ASTN1: variants seen among roughly 807,000 people sequenced by gnomAD.
ASTN1 encodes astrotactin-1.
Under a neutral mutation model 140.7 loss-of-function variants are expected in ASTN1, and 41 were observed. The ratio of observed to expected loss-of-function variants is 0.29; its 90% CI spans 0.23 to 0.38. The LOEUF (loss-of-function observed/expected upper bound fraction) is 0.38, where lower values mean the gene tolerates loss of function less well. Ranked by LOEUF, ASTN1 falls within the 10% of genes least tolerant of loss-of-function variation. The pLI, the probability that ASTN1 is intolerant of heterozygous loss-of-function variation, is 1.00. For missense variants in ASTN1, 1,479 were observed against 1,678.8 expected (o/e 0.88, Z 2.08); for synonymous variants, 640 against 652.2 (o/e 0.98, Z 0.29).
intron 3 of ASTN1, among the ~76,000 whole-genome samples, 171 bp from the exon 4 acceptor site, chr1:177,031,123 G>T (rs962430461): frequency 6.6e-6 from 1 of 152,148 alleles, no homozygotes; most frequent in African/African-American, 2.4e-5. Context: ...TTATTTCTGA[G>T]GGACTGCAAA....
At chr1:177,155,478 T>G (rs1347970559) in intron 1 of ASTN1, among the ~76,000 whole-genome samples, 2 of 152,182 alleles carry the variant, frequency 1.3e-5, no homozygotes, top group African/African-American at 4.8e-5. Context: ...GGGGAAAGTG[T>G]TGGCCTAAGC....
At chr1:176,878,527 C>A (rs1668658181) in intron 20 of ASTN1, among the ~76,000 whole-genome samples, 1 of 151,966 alleles carries the variant, frequency 6.6e-6, no homozygotes, top group African/African-American at 2.4e-5. Flanking sequence ...CATTTGGCCC[C>A]ACATGCCATA....
intron 8 of ASTN1, among the ~76,000 whole-genome samples, chr1:177,003,247 T>A: frequency 6.7e-6 from 1 of 148,260 alleles, no homozygotes; most frequent in African/African-American, 2.5e-5. Context: ...TCCAACAAAA[T>A]ACTAGCAAAC....
At chr1:177,084,721 G>A (rs964084799) in intron 1 of ASTN1, among the ~76,000 whole-genome samples, 8 of 151,678 alleles carry the variant, frequency 5.3e-5, no homozygotes, top group African/African-American at 1.7e-4. Context: ...TCTTTCTCAC[G>A]GCTTGGTCTA....
rs75150280 is a variant in ASTN1 at position 176,947,037 on chromosome 1, C to T, written c.2055-917G>A. 4.2e-3 allele frequency among the ~76,000 whole-genome samples: 640 copies of T among 152,306 alleles called. 3 individuals are homozygous for T. Among genetic ancestry groups the T allele is most frequent in the African/African-American group, 0.014 (593 of 41,572 alleles). ...AAAGCACATCATTTATTCCTATCCA[C>T]AGTCACTGTTATAATAAGATAAAGA... On this transcript the variant is annotated intron_variant, in intron 12 of 22. Transcript: ENST00000361833.
intron 1 of ASTN1, among the ~76,000 whole-genome samples, chr1:177,133,222 A>G (rs1322362834): frequency 1.3e-5 from 2 of 152,218 alleles, no homozygotes; most frequent in Non-Finnish European, 2.9e-5. Flanking sequence ...TGTGCAAGGC[A>G]CTTTGCCATT....
chr1:177,023,288 A>C, intron 7 of ASTN1, 116 bp downstream of exon 7: 1 of 1,335,372 alleles, frequency 7.5e-7, no homozygotes, highest in Non-Finnish European at 1.0e-6. Flanking sequence ...CGCATGGTCT[A>C]GGCTCGAGAT....
chr1:176,926,177 C>T (rs1431648855), intron 16 of ASTN1, among the ~76,000 whole-genome samples: 1 of 151,020 alleles, frequency 6.6e-6, no homozygotes, highest in Non-Finnish European at 1.5e-5. Context: ...TTTAAGCTCT[C>T]ATTATTATTA....
At chr1:177,113,123 C>T (rs560586039) in intron 1 of ASTN1, among the ~76,000 whole-genome samples, 65 of 152,322 alleles carry the variant, frequency 4.3e-4, no homozygotes, top group African/African-American at 1.5e-3. Context: ...CAGCAATCCC[C>T]TGAAAACTGC....
chr1:177,162,950 G>A (rs1242029949), intron 1 of ASTN1, among the ~76,000 whole-genome samples: 1 of 152,166 alleles, frequency 6.6e-6, no homozygotes, highest in Non-Finnish European at 1.5e-5. Flanking sequence ...GGTTTAATGG[G>A]TTCAACTGAG....
At chr1:177,116,079 C>T (rs1681075776) in intron 1 of ASTN1, among the ~76,000 whole-genome samples, 1 of 152,114 alleles carries the variant, frequency 6.6e-6, no homozygotes, top group Admixed American at 6.5e-5. Context: ...TGTCATGAAA[C>T]CCAAATTCTA....
chr1:177,129,007 G>A (rs550031963), intron 1 of ASTN1, among the ~76,000 whole-genome samples: 2 of 152,334 alleles, frequency 1.3e-5, no homozygotes, highest in South Asian at 2.1e-4. Context: ...AGAAAGGATG[G>A]TGTTACCATC....
At chr1:176,967,853 CGT>C (rs1672948468) in intron 8 of ASTN1, among the ~76,000 whole-genome samples, 2 of 151,542 alleles carry the variant, frequency 1.3e-5, no homozygotes, top group African/African-American at 4.8e-5. Context: ...AGGAGTGCAG[CGT>C]AGACCCCACC....
chr1:176,986,535 A>T (rs1673914797), intron 8 of ASTN1, among the ~76,000 whole-genome samples: 1 of 152,124 alleles, frequency 6.6e-6, no homozygotes, highest in Non-Finnish European at 1.5e-5. Context: ...GAAGGAGATA[A>T]CTCAAAATGT....
At chr1:176,898,857 G>C (rs952564033) in intron 16 of ASTN1, among the ~76,000 whole-genome samples, 2 of 152,296 alleles carry the variant, frequency 1.3e-5, no homozygotes, top group African/African-American at 4.8e-5. Flanking sequence ...ACACTATGCT[G>C]TCTTTTAGCA....
intron 2 of ASTN1, 84 bp downstream of exon 2, chr1:177,060,994 A>G (rs1678054988): frequency 1.6e-6 from 2 of 1,280,364 alleles, no homozygotes; most frequent in South Asian, 2.3e-5. Context: ...TAGGTCTGAT[A>G]GAGTGATATC....
At chr1:177,087,528 T>C (rs1679534704) in intron 1 of ASTN1, among the ~76,000 whole-genome samples, 1 of 152,176 alleles carries the variant, frequency 6.6e-6, no homozygotes, top group African/African-American at 2.4e-5. Flanking sequence ...TGGCCTCCTT[T>C]ACAACCTTCA....
chr1:177,083,479 TA>T (rs1679277808), intron 1 of ASTN1, among the ~76,000 whole-genome samples: 1 of 152,080 alleles, frequency 6.6e-6, no homozygotes, highest in South Asian at 2.1e-4. Flanking sequence ...TCTTTAAAAA[TA>T]AAAATGTTGA....
Position 176,953,862 on chromosome 1 carries a change from G to A in ASTN1, c.1887+3816C>T, listed in dbSNP as rs571561051. The stretch of plus-strand genomic sequence containing the variant: ...GCTGCTCACCTGTGTACATTCTTAC[G>A]TCTTACAAAGCTAAGGCATTTTTTG... On this transcript the variant is annotated intron_variant, in intron 11 of 22. Transcript: ENST00000361833. Among the ~76,000 whole-genome samples the A allele has an allele frequency of 5.9e-5, 9 of 152,266 alleles. No individual in the cohort carries two copies. In the South Asian group the frequency reaches 1.0e-3, roughly 18 times the overall value.
Sources: allele counts gnomAD v4.1 joint callset (sites outside exome capture counted in the v4.1 genomes callset), GRCh38; gene constraint gnomAD v4.1.1; transcripts MANE v1.5; gene names NCBI Gene and HGNC (gene_info 2026-07-23, HGNC 2026-07-21).